Variants in SLC23A2 observed in about 807,000 individuals in gnomAD.
SLC23A2 encodes Na(+)/L-ascorbic acid transporter 2.
SLC23A2 carries 36 observed loss-of-function variants against 73.3 expected under a neutral mutation model. That is an observed-to-expected ratio of 0.49 (90% confidence interval 0.38 to 0.65). The LOEUF is 0.65. SLC23A2 is among the 30% of genes least tolerant of loss of function. The probability of loss-of-function intolerance (pLI) is 0.00; values close to 1 mark genes in which losing one functional copy is unlikely to be tolerated. For missense variants in SLC23A2, 507 were observed against 841.6 expected, an observed-to-expected ratio of 0.60 and a Z score of 4.92; for synonymous variants, 343 against 327.3, an observed-to-expected ratio of 1.05 and a Z score of -0.52.
chr20:4,944,429 G>A (rs1433866686), intron 2 of SLC23A2, among the ~76,000 whole-genome samples: 1 of 152,128 alleles, frequency 6.6e-6, no homozygotes, highest in Non-Finnish European at 1.5e-5. Flanking sequence ...AGTAGAGACA[G>A]GGTTTCACCA....
intron 15 of SLC23A2, among the ~76,000 whole-genome samples, chr20:4,859,656 A>G (rs1480102476): frequency 6.6e-6 from 1 of 152,264 alleles, no homozygotes; most frequent in Non-Finnish European, 1.5e-5. Flanking sequence ...TGTTCACCCT[A>G]CAACGAACTG....
intron 9 of SLC23A2, among the ~76,000 whole-genome samples, chr20:4,878,898 A>G (rs1930763522): frequency 2.0e-5 from 3 of 152,208 alleles, no homozygotes; most frequent in Non-Finnish European, 4.4e-5. Context: ...ATTCCTCTAC[A>G]GGCAAGTCAC....
At chr20:4,921,467 T>C (rs923881609) in intron 3 of SLC23A2, among the ~76,000 whole-genome samples, 1 of 152,006 alleles carries the variant, frequency 6.6e-6, no homozygotes, top group African/African-American at 2.4e-5. Context: ...ATGCCTGTAG[T>C]CCCAGCTACC....
chr20:4,862,794 C>A lies in SLC23A2; in HGVS notation c.1470G>T (p.Leu490=). The change falls in exon 14 of 17, where the codon CTG becomes CTT. Residue 490 remains leucine, a synonymous_variant. Coordinates refer to ENST00000338244, the MANE Select transcript of SLC23A2 (RefSeq NM_005116.6). The surrounding 1 kb of genome is among the most constrained non-coding windows in gnomAD (Gnocchi z 5.1). The stretch of plus-strand genomic sequence containing the variant: ...GAGTCTTACCAAAGAGCGTGCAGAA[C>A]AGGGCTCCCAGCACAGGATCCGGAA... The part of the protein sequence containing the change: ...ASLPDPVLGA[L]FCTLFGMITA... The A allele has an allele frequency of 6.2e-7, 1 of 1,613,854 alleles. No homozygotes were observed. Among genetic ancestry groups the A allele is most frequent in the Non-Finnish European group, 8.5e-7 (1 of 1,179,948 alleles).
intron 9 of SLC23A2, among the ~76,000 whole-genome samples, chr20:4,877,846 G>A (rs1316420458): frequency 2.6e-5 from 4 of 152,214 alleles, no homozygotes; most frequent in African/African-American, 7.2e-5. Flanking sequence ...TACCAAGGAC[G>A]TATGCACTGT....
In SLC23A2 at chr20:4,853,532, G is replaced by A. The variant is rs1929602209; in HGVS notation, c.*3440C>T. The A allele has an allele frequency of 6.6e-6, 1 of 152,646 alleles. No individual in the cohort carries two copies. The highest frequency in any genetic ancestry group is 1.9e-4 in the East Asian group (1 of 5,202). 9.5% of individuals were successfully genotyped at this position (152,646 alleles called of 1,614,324 possible). Reference sequence around the variant, plus strand: ...CACATACTAGAGATTCATCAATGGAGAAATTCTATCATCACATGACATTGT... The same window carrying A: ...CACATACTAGAGATTCATCAATGGAAAAATTCTATCATCACATGACATTGT... On this transcript the variant is annotated 3_prime_UTR_variant, in exon 17 of 17. Transcript: ENST00000338244.
chr20:4,854,368 T>C lies in SLC23A2; in HGVS notation c.*2604A>G, dbSNP rs1449275077. The C allele has an allele frequency of 1.3e-5, 2 of 150,190 alleles. No individual in the cohort carries two copies. Among genetic ancestry groups the C allele is most frequent in the Non-Finnish European group, 2.9e-5 (2 of 67,966 alleles). 9.3% of individuals were successfully genotyped at this position (150,190 alleles called of 1,614,324 possible). On this transcript the variant is annotated 3_prime_UTR_variant, in exon 17 of 17. Coordinates refer to ENST00000338244, the MANE Select transcript of SLC23A2 (RefSeq NM_005116.6). Reference sequence around the variant, plus strand: ...TTTCATTCTGTAGCATATTTTCCAGTAGGAGAACCACTTCCTAAAATGGTG... The same window carrying C: ...TTTCATTCTGTAGCATATTTTCCAGCAGGAGAACCACTTCCTAAAATGGTG...
chr20:4,972,112 T>C (rs1053049031), intron 1 of SLC23A2, among the ~76,000 whole-genome samples: 6 of 152,216 alleles, frequency 3.9e-5, no homozygotes, highest in African/African-American at 1.4e-4. Flanking sequence ...AGTGGCTGTC[T>C]TGGGAACAGC....
chr20:4,952,605 C>G (rs891398679), intron 2 of SLC23A2, among the ~76,000 whole-genome samples: 2 of 152,150 alleles, frequency 1.3e-5, no homozygotes, highest in African/African-American at 2.4e-5. Flanking sequence ...AACTAGTATA[C>G]AAGACTGCTA....
chr20:4,858,104 A>AC (rs984552245), intron 16 of SLC23A2, among the ~76,000 whole-genome samples: 16 of 151,220 alleles, frequency 1.1e-4, no homozygotes, highest in African/African-American at 2.9e-4. Flanking sequence ...CTGCACATTC[A>AC]CCCCCCCATC....
chr20:4,878,677 T>C (rs1443994057), intron 9 of SLC23A2, among the ~76,000 whole-genome samples: 1 of 152,234 alleles, frequency 6.6e-6, no homozygotes, highest in Non-Finnish European at 1.5e-5. Flanking sequence ...AAATACAATT[T>C]GATATAAATT....
chr20:4,920,529 A>C (rs1241812205), intron 3 of SLC23A2, among the ~76,000 whole-genome samples: 1 of 152,246 alleles, frequency 6.6e-6, no homozygotes, highest in Non-Finnish European at 1.5e-5. Flanking sequence ...TATTTGTAAT[A>C]GCAAAACATT....
Position 4,885,807 on chromosome 20 carries a change from A to G in SLC23A2, c.571+14T>C. 6.3e-7 allele frequency: 1 copy of G among 1,583,936 alleles called. No individual in the cohort carries two copies. Among genetic ancestry groups the G allele is most frequent in the South Asian group, 1.1e-5 (1 of 90,422 alleles). The stretch of plus-strand genomic sequence containing the variant: ...AAGGACCCCAATGACATATGTGGAA[A>G]TAACTGCAATTACCTGTGGTGTTAC... On this transcript the variant is annotated intron_variant, in intron 7 of 16. Coordinates refer to ENST00000338244, the MANE Select transcript of SLC23A2 (RefSeq NM_005116.6).
At chr20:4,929,831 T>C (rs1160076678) in intron 3 of SLC23A2, among the ~76,000 whole-genome samples, 1 of 152,064 alleles carries the variant, frequency 6.6e-6, no homozygotes, top group Non-Finnish European at 1.5e-5. Context: ...GATACCCAAA[T>C]CATTAGAGAA....
chr20:4,985,398 A>G (rs906422561), intron 1 of SLC23A2, among the ~76,000 whole-genome samples: 1 of 152,184 alleles, frequency 6.6e-6, no homozygotes, highest in African/African-American at 2.4e-5. Flanking sequence ...TGTAACATGC[A>G]TAAACCTTGA....
chr20:4,917,014 C>T (rs1333766066), intron 3 of SLC23A2, among the ~76,000 whole-genome samples: 4 of 152,074 alleles, frequency 2.6e-5, no homozygotes, highest in Non-Finnish European at 5.9e-5. Context: ...ACTCCTAAGC[C>T]TAGAAAAAAA....
chr20:4,882,419 C>T (rs1460628209), intron 9 of SLC23A2, among the ~76,000 whole-genome samples: 2 of 151,786 alleles, frequency 1.3e-5, no homozygotes, highest in African/African-American at 2.4e-5. Flanking sequence ...GGTATTCATG[C>T]TCATGTGTGA....
chr20:4,903,955 G>A (rs981281864), intron 4 of SLC23A2, among the ~76,000 whole-genome samples: 1 of 152,106 alleles, frequency 6.6e-6, no homozygotes, highest in East Asian at 1.9e-4. Context: ...AGTCTTGCCT[G>A]GTACGTGGGG....
At chr20:4,876,084 C>T (rs1930643328) in intron 9 of SLC23A2, among the ~76,000 whole-genome samples, 1 of 152,124 alleles carries the variant, frequency 6.6e-6, no homozygotes, top group Non-Finnish European at 1.5e-5. Flanking sequence ...ACACACAGTG[C>T]CCACGTTATT....
Sources: allele counts gnomAD v4.1 joint callset (sites outside exome capture counted in the v4.1 genomes callset), GRCh38; gene constraint gnomAD v4.1.1; non-coding constraint Gnocchi (gnomAD v3.1); transcripts MANE v1.5; gene names NCBI Gene and HGNC (gene_info 2026-07-23, HGNC 2026-07-21).